LYRM4: variants seen among roughly 807,000 people sequenced by gnomAD.
LYRM4 encodes LYR motif containing 4.
LYRM4 carries 9 observed loss-of-function variants against 11.7 expected under a neutral mutation model. The observed-to-expected ratio is 0.77, with a 90% confidence interval of 0.46 to 1.34. The LOEUF is 1.34. LYRM4 is among the 40% of genes most tolerant of loss of function. LYRM4 has a pLI of 0.00. For synonymous variants in LYRM4, 42 were observed against 40.4 expected, an observed-to-expected ratio of 1.04 and a Z score of -0.15; for missense variants, 133 against 112.5, an observed-to-expected ratio of 1.18 and a Z score of -0.82.
chr6:5,120,619 A>G (rs1025655217), intron 2 of LYRM4, among the ~76,000 whole-genome samples: 5 of 152,098 alleles, frequency 3.3e-5, no homozygotes, highest in Non-Finnish European at 5.9e-5. Flanking sequence ...GTCTCTGCCC[A>G]TGTCCTGCTG....
At chr6:5,206,109 G>C (rs964680043) in intron 2 of LYRM4, among the ~76,000 whole-genome samples, 2 of 152,240 alleles carry the variant, frequency 1.3e-5, no homozygotes, top group South Asian at 4.1e-4. Flanking sequence ...AGTCAGTTCA[G>C]TCAATAGAGA....
downstream of LYRM4, among the ~76,000 whole-genome samples, chr6:5,101,261 A>G (rs1234424866): frequency 3.3e-5 from 5 of 152,146 alleles, no homozygotes; most frequent in Non-Finnish European, 7.3e-5. Flanking sequence ...TCGTACAGCT[A>G]TTTACATACA....
chr6:5,054,832 A>G, the LYRM4 span, among the ~76,000 whole-genome samples: 1 of 152,234 alleles, frequency 6.6e-6, no homozygotes, highest in Non-Finnish European at 1.5e-5. Context: ...CTGGTATGGA[A>G]TCACATGACG....
At chr6:5,237,100 T>C (rs1399459234) in intron 1 of LYRM4, among the ~76,000 whole-genome samples, 1 of 152,086 alleles carries the variant, frequency 6.6e-6, no homozygotes, top group Admixed American at 6.6e-5. Context: ...TGTATGGGAG[T>C]GTAACTTCAC....
the LYRM4 span, chr6:5,086,520 C>T: frequency 4.6e-6 from 7 of 1,533,712 alleles, no homozygotes; most frequent in African/African-American, 1.4e-5. Context: ...ACGCGGGCGC[C>T]AACTACACGC....
chr6:5,221,364 A>G (rs1762569485), intron 1 of LYRM4, among the ~76,000 whole-genome samples: 3 of 152,188 alleles, frequency 2.0e-5, no homozygotes, highest in Admixed American at 6.5e-5. Context: ...TGCACTTGTC[A>G]ACTAAAATAT....
the LYRM4 span, among the ~76,000 whole-genome samples, chr6:5,098,520 A>G: frequency 6.6e-6 from 1 of 152,252 alleles, no homozygotes; most frequent in Non-Finnish European, 1.5e-5. Flanking sequence ...CTCCTGAACC[A>G]GAACAACCCC....
At chr6:5,252,594 G>A (rs566747239) in intron 1 of LYRM4, among the ~76,000 whole-genome samples, 2 of 152,080 alleles carry the variant, frequency 1.3e-5, no homozygotes, top group East Asian at 3.9e-4. Flanking sequence ...TCTTCCCACC[G>A]TTTTCTCTCT....
chr6:5,192,538 C>T (rs1760817691), intron 2 of LYRM4, among the ~76,000 whole-genome samples: 1 of 152,162 alleles, frequency 6.6e-6, no homozygotes, highest in Non-Finnish European at 1.5e-5. Context: ...AGCATTGGGA[C>T]AGTTAGGCCT....
At chr6:5,085,126 G>C in the LYRM4 span, 1 of 284,348 alleles carries the variant, frequency 3.5e-6, no homozygotes, top group Non-Finnish European at 6.5e-6. Context: ...GCCCGCGAAC[G>C]ACAGAAAGTC....
At chr6:5,174,440 A>C (rs1235456057) in intron 2 of LYRM4, among the ~76,000 whole-genome samples, 3 of 152,170 alleles carry the variant, frequency 2.0e-5, no homozygotes, top group Non-Finnish European at 4.4e-5. Context: ...GGTAATGAGG[A>C]GAGACAGACG....
rs765741377 is a variant in LYRM4 at position 5,138,487 on chromosome 6, C to CAAAAAA, written c.208-29002_208-28997dup. On this transcript the variant is annotated intron_variant, in intron 2 of 2. Coordinates refer to ENST00000330636, the MANE Select transcript of LYRM4 (RefSeq NM_020408.6). The stretch of plus-strand genomic sequence containing the variant: ...GGCCAACAGAGTGAGACCCTGTCTC[C>CAAAAAA]AAAAAAAAAAAAAAAAAAAAAAAAA... Among the ~76,000 whole-genome samples, 211 of 49,686 alleles carry CAAAAAA rather than the reference C, an allele frequency of 4.2e-3. 5 individuals carry two copies. The highest frequency in any genetic ancestry group is 0.012 in the African/African-American group (145 of 12,070). 32.6% of individuals were successfully genotyped at this position (49,686 alleles called of 152,430 possible). A position where few individuals can be genotyped will look rare whatever the true frequency, so the allele number is the denominator to read the frequency against.
At chr6:5,075,958 A>T in the LYRM4 span, among the ~76,000 whole-genome samples, 10 of 151,424 alleles carry the variant, frequency 6.6e-5, no homozygotes, top group South Asian at 2.1e-3. Flanking sequence ...TTTTTTTTGA[A>T]ACAGGGTTCT....
intron 2 of LYRM4, among the ~76,000 whole-genome samples, chr6:5,123,806 AAAGG>A (rs1407473504): frequency 6.6e-6 from 1 of 152,178 alleles, no homozygotes; most frequent in East Asian, 1.9e-4. Flanking sequence ...CTGTCCCTGA[AAAGG>A]AAGCCATGGT....
At chr6:5,201,224 G>T (rs1393396993) in intron 2 of LYRM4, among the ~76,000 whole-genome samples, 2 of 152,032 alleles carry the variant, frequency 1.3e-5, no homozygotes, top group African/African-American at 2.4e-5. Context: ...GCCATCAAAA[G>T]AAAAATTCCT....
At chr6:5,134,333 C>T (rs959071998) in intron 2 of LYRM4, among the ~76,000 whole-genome samples, 6 of 151,996 alleles carry the variant, frequency 3.9e-5, no homozygotes, top group African/African-American at 1.2e-4. Context: ...CTGACTTCTT[C>T]AGCAAATAAA....
intron 2 of LYRM4, among the ~76,000 whole-genome samples, chr6:5,123,937 C>T (rs1055752685): frequency 3.3e-5 from 5 of 152,210 alleles, no homozygotes; most frequent in East Asian, 3.9e-4. Context: ...GTGAAGATGA[C>T]GTGGATGGGA....
chr6:5,195,594 A>AGAGTTG (rs1392522311), intron 2 of LYRM4, among the ~76,000 whole-genome samples: 1 of 152,238 alleles, frequency 6.6e-6, no homozygotes, highest in East Asian at 1.9e-4. Flanking sequence ...AGATAGCGCC[A>AGAGTTG]CTGCACTCCA....
At chr6:5,210,925 T>C (rs565141656) in intron 2 of LYRM4, among the ~76,000 whole-genome samples, 2 of 152,352 alleles carry the variant, frequency 1.3e-5, no homozygotes, top group Admixed American at 1.3e-4. Flanking sequence ...GATGGACATT[T>C]GGATTGATTC....
Sources: gnomAD v4.1 joint callset for allele counts (sites outside exome capture counted in the v4.1 genomes callset) on GRCh38, gnomAD v4.1.1 for gene constraint, MANE v1.5 for transcripts, NCBI Gene and HGNC (gene_info 2026-07-23, HGNC 2026-07-21) for gene names.